EPB41L2: variants seen among roughly 807,000 people sequenced by gnomAD.
EPB41L2 encodes band 4.1-like protein 2.
A neutral mutation model predicts 113.0 loss-of-function variants in EPB41L2; 43 were observed. The ratio of observed to expected loss-of-function variants is 0.38; its 90% confidence interval spans 0.30 to 0.49. EPB41L2 has a LOEUF of 0.49. Ranked by LOEUF, EPB41L2 falls within the 20% of genes least tolerant of loss-of-function variation. EPB41L2 has a pLI of 0.95. For synonymous variants in EPB41L2, 442 were observed against 436.7 expected (o/e 1.01, Z -0.15); for missense variants, 1,147 against 1,223.4 (o/e 0.94, Z 0.93).
intron 1 of EPB41L2, among the ~76,000 whole-genome samples, chr6:131,047,408 C>G (rs1402326444): frequency 6.6e-6 from 1 of 152,082 alleles, no homozygotes; most frequent in African/African-American, 2.4e-5. Flanking sequence ...ATTAAGTACT[C>G]AAAACATGGT....
chr6:131,053,077 G>A (rs1796880993), intron 1 of EPB41L2, among the ~76,000 whole-genome samples: 1 of 151,894 alleles, frequency 6.6e-6, no homozygotes, highest in Non-Finnish European at 1.5e-5. Context: ...TGTATTTTTA[G>A]TAGAGATGGG....
intron 1 of EPB41L2, among the ~76,000 whole-genome samples, chr6:130,985,221 G>A (rs568991834): frequency 5.3e-5 from 8 of 152,086 alleles, no homozygotes; most frequent in Non-Finnish European, 1.2e-4. Flanking sequence ...ATTGAATGTT[G>A]TCTTTTCCAA....
chr6:130,977,262 A>G (rs544477796), intron 1 of EPB41L2, among the ~76,000 whole-genome samples: 1 of 152,236 alleles, frequency 6.6e-6, no homozygotes, highest in South Asian at 2.1e-4. Flanking sequence ...GTAAAGAATC[A>G]AAGTAGTTCA....
intron 14 of EPB41L2, 129 bp downstream of exon 14, chr6:130,877,975 T>C (rs1038353846): frequency 6.6e-6 from 6 of 906,468 alleles, no homozygotes; most frequent in East Asian, 3.2e-5. Context: ...ACAAAATTGT[T>C]AGTAATTACA....
At chr6:130,985,844 G>A (rs895130636) in intron 1 of EPB41L2, among the ~76,000 whole-genome samples, 3 of 152,166 alleles carry the variant, frequency 2.0e-5, no homozygotes, top group Non-Finnish European at 4.4e-5. Context: ...GCAGCTTGGA[G>A]ATATACAAGT....
chr6:130,908,889 A>AT, intron 4 of EPB41L2, 26 bp from the exon 5 acceptor site: 1 of 1,550,854 alleles, frequency 6.4e-7, no homozygotes, highest in East Asian at 2.3e-5. Context: ...AAATTAATTC[A>AT]TAAGAAATAT....
At chr6:130,981,312 G>C (rs1326557456) in intron 1 of EPB41L2, among the ~76,000 whole-genome samples, 1 of 152,136 alleles carries the variant, frequency 6.6e-6, no homozygotes, top group Non-Finnish European at 1.5e-5. Flanking sequence ...AAATTGCAAA[G>C]TTTGGGGAGG....
chr6:131,047,039 C>T (rs1463613333), intron 1 of EPB41L2, among the ~76,000 whole-genome samples: 2 of 152,202 alleles, frequency 1.3e-5, no homozygotes, highest in East Asian at 3.8e-4. Context: ...CAAACCGCTG[C>T]TCCACCATTA....
chr6:131,038,965 T>C (rs1793901690), intron 1 of EPB41L2, among the ~76,000 whole-genome samples: 1 of 152,130 alleles, frequency 6.6e-6, no homozygotes, highest in South Asian at 2.1e-4. Flanking sequence ...AAAAGTCAAT[T>C]TACAAAACCA....
At chr6:130,996,387 GC>G (rs11288984) in intron 1 of EPB41L2, among the ~76,000 whole-genome samples, 65,483 of 151,942 alleles carry the variant, frequency 0.43, 14,612 homozygotes, top group East Asian at 0.79. Context: ...CAGTGAGCTG[GC>G]CCCTCCAGGA....
chr6:130,930,197 C>A (rs910787062), intron 3 of EPB41L2, among the ~76,000 whole-genome samples: 12 of 151,982 alleles, frequency 7.9e-5, no homozygotes, highest in Admixed American at 7.9e-4. Flanking sequence ...ACTTGGGAAA[C>A]CTGATGTTTC....
chr6:130,932,511 G>A (rs1479452706), intron 3 of EPB41L2, among the ~76,000 whole-genome samples: 1 of 152,114 alleles, frequency 6.6e-6, no homozygotes, highest in African/African-American at 2.4e-5. Context: ...ACCACTTACT[G>A]ACTTATCAAG....
chr6:130,907,969 C>G (rs1264825291), intron 5 of EPB41L2, among the ~76,000 whole-genome samples: 1 of 152,198 alleles, frequency 6.6e-6, no homozygotes, highest in Non-Finnish European at 1.5e-5. Flanking sequence ...AATTTACCAG[C>G]CTTCAGATTT....
At chr6:130,872,369 A>C in intron 14 of EPB41L2, 1 of 1,281,182 alleles carries the variant, frequency 7.8e-7, no homozygotes, top group Non-Finnish European at 1.0e-6. Flanking sequence ...AGTAAAATGC[A>C]CCTCAAGCAA....
intron 1 of EPB41L2, among the ~76,000 whole-genome samples, chr6:131,034,472 C>G (rs1157711612): frequency 6.6e-6 from 1 of 152,164 alleles, no homozygotes; most frequent in Non-Finnish European, 1.5e-5. Flanking sequence ...GCCGGGGCTA[C>G]AGTGAGCCAA....
At chr6:131,008,924 G>A (rs982582349) in intron 1 of EPB41L2, among the ~76,000 whole-genome samples, 25 of 152,182 alleles carry the variant, frequency 1.6e-4, no homozygotes, top group Middle Eastern at 3.2e-3. Flanking sequence ...CTCATAGGCC[G>A]AAGGGATTTG....
intron 1 of EPB41L2, among the ~76,000 whole-genome samples, chr6:131,033,930 T>C (rs1177118369): frequency 1.3e-5 from 2 of 152,238 alleles, no homozygotes; most frequent in Non-Finnish European, 2.9e-5. Context: ...ATGGTTAAAA[T>C]GGCAAATTTT....
intron 14 of EPB41L2, among the ~76,000 whole-genome samples, chr6:130,871,101 A>G (rs760004302): frequency 5.9e-5 from 9 of 152,276 alleles, no homozygotes; most frequent in Admixed American, 2.6e-4. Context: ...TTGGGAGTAA[A>G]GTAATTTACT....
At chr6:130,935,101 A>G (rs1808349197) in intron 3 of EPB41L2, among the ~76,000 whole-genome samples, 1 of 152,214 alleles carries the variant, frequency 6.6e-6, no homozygotes, top group African/African-American at 2.4e-5. Flanking sequence ...GTTGACAGGA[A>G]TGACACAAAA....
Sources: gnomAD v4.1 joint callset for allele counts (sites outside exome capture counted in the v4.1 genomes callset) on GRCh38, gnomAD v4.1.1 for gene constraint, MANE v1.5 for transcripts, NCBI Gene and HGNC (gene_info 2026-07-23, HGNC 2026-07-21) for gene names.